EXT1: variants seen among roughly 807,000 people sequenced by gnomAD.
EXT1 encodes the protein exostosin glycosyltransferase 1, also known as exostosin-1.
A neutral mutation model predicts 82.5 loss-of-function variants in EXT1; 20 were observed. The ratio of observed to expected loss-of-function variants is 0.24; its 90% confidence interval spans 0.17 to 0.35. The LOEUF (loss-of-function observed/expected upper bound fraction) is 0.35. Ranked by LOEUF, EXT1 falls within the 10% of genes least tolerant of loss-of-function variation. The pLI is 1.00. For missense variants in EXT1, 757 were observed against 936.5 expected (o/e 0.81, Z 2.50); for synonymous variants, 348 against 350.8 (o/e 0.99, Z 0.09).
At position 118,085,293 on chromosome 8, in the gene EXT1, G is replaced by T. The variant is rs536463484; in HGVS notation, c.962+24792C>A. Among the ~76,000 whole-genome samples, 8 of 152,264 alleles carry T rather than the reference G, an allele frequency of 5.3e-5. No individual in the cohort carries two copies. In the East Asian group the frequency reaches 5.8e-4, roughly 11 times the overall value. On this transcript the variant is annotated intron_variant, in intron 1 of 10. Coordinates refer to ENST00000378204, the MANE Select transcript of EXT1 (RefSeq NM_000127.3). ...GGAGGAAGGGTGAGCAGAAGAAAGAGTAACACCCTCCAGGTTGTGGTACTA... is the reference window on the plus strand; with the variant it reads ...GGAGGAAGGGTGAGCAGAAGAAAGATTAACACCCTCCAGGTTGTGGTACTA...
chr8:118,037,391 T>C (rs1816441589), intron 1 of EXT1, among the ~76,000 whole-genome samples: 1 of 151,850 alleles, frequency 6.6e-6, no homozygotes, highest in Non-Finnish European at 1.5e-5. Context: ...TTTTTTTTTT[T>C]TTTTGAGACA....
chr8:117,887,021 A>G (rs1813157859), intron 1 of EXT1, among the ~76,000 whole-genome samples: 1 of 152,228 alleles, frequency 6.6e-6, no homozygotes, highest in South Asian at 2.1e-4. Flanking sequence ...CATCTATATA[A>G]CAGGAATGAA....
At chr8:118,098,329 T>C (rs190457702) in intron 1 of EXT1, among the ~76,000 whole-genome samples, 2 of 151,936 alleles carry the variant, frequency 1.3e-5, no homozygotes, top group Non-Finnish European at 2.9e-5. Flanking sequence ...CCTGGGCCCC[T>C]CCCTTCTCCA....
At chr8:117,903,062 A>C (rs985160618) in intron 1 of EXT1, among the ~76,000 whole-genome samples, 3 of 152,188 alleles carry the variant, frequency 2.0e-5, no homozygotes, top group Non-Finnish European at 2.9e-5. Context: ...CATTCACTCC[A>C]TCTGTATTTA....
intron 1 of EXT1, among the ~76,000 whole-genome samples, chr8:118,080,391 G>A (rs565758233): frequency 9.9e-5 from 15 of 151,306 alleles, no homozygotes; most frequent in African/African-American, 3.6e-4. Flanking sequence ...ATCAAGTCTG[G>A]AAACTAATAG....
intron 1 of EXT1, among the ~76,000 whole-genome samples, chr8:117,869,086 G>A (rs1021760659): frequency 3.9e-5 from 6 of 152,064 alleles, no homozygotes; most frequent in South Asian, 2.1e-4. Flanking sequence ...TGGACTTCCC[G>A]CCAGCGCCCA....
chr8:118,029,236 A>G (rs538452971), intron 1 of EXT1, among the ~76,000 whole-genome samples: 59 of 152,232 alleles, frequency 3.9e-4, no homozygotes, highest in African/African-American at 1.4e-3. Flanking sequence ...CAAGACCAGC[A>G]TGTGCAACAT....
At chr8:117,801,047 A>T (rs1183699373) in intron 10 of EXT1, among the ~76,000 whole-genome samples, 1 of 152,256 alleles carries the variant, frequency 6.6e-6, no homozygotes, top group Non-Finnish European at 1.5e-5. Flanking sequence ...TTGTACTCAC[A>T]GTTTTAGAAA....
intron 7 of EXT1, among the ~76,000 whole-genome samples, chr8:117,813,797 G>C (rs1465025310): frequency 6.6e-6 from 1 of 152,088 alleles, no homozygotes; most frequent in East Asian, 1.9e-4. Context: ...CTTGAGGCCA[G>C]GAGTTCAAGA....
chr8:117,879,424 A>G (rs1362051372), intron 1 of EXT1, among the ~76,000 whole-genome samples: 1 of 152,030 alleles, frequency 6.6e-6, no homozygotes, highest in Non-Finnish European at 1.5e-5. Flanking sequence ...TTCCCCCTCA[A>G]TCATTCCTTT....
chr8:118,046,346 C>T (rs897674598), intron 1 of EXT1, among the ~76,000 whole-genome samples: 1 of 152,164 alleles, frequency 6.6e-6, no homozygotes, highest in Non-Finnish European at 1.5e-5. Flanking sequence ...TCAGGCAACG[C>T]ACAGAGCACA....
At chr8:117,973,870 G>GGAAAA (rs1216745855) in intron 1 of EXT1, among the ~76,000 whole-genome samples, 4 of 114,320 alleles carry the variant, frequency 3.5e-5, no homozygotes, top group South Asian at 6.0e-4. Flanking sequence ...GGAAAGGAAA[G>GGAAAA]GAAAGGAAAG....
chr8:117,998,767 A>T (rs1815599784), intron 1 of EXT1, among the ~76,000 whole-genome samples: 1 of 152,222 alleles, frequency 6.6e-6, no homozygotes. Context: ...TAACTTGTAA[A>T]ACCCCCAAAT....
chr8:118,071,756 G>A (rs17505938), intron 1 of EXT1, among the ~76,000 whole-genome samples: 3,904 of 152,176 alleles, frequency 0.026, 148 homozygotes, highest in African/African-American at 0.087. Context: ...AGACAGAAAC[G>A]TTCCTTTTCT....
rs1473485144 is a variant in EXT1, at chr8:117,796,986, A to G, written c.*2726T>C. 6.6e-6 allele frequency: 1 copy of G among 152,212 alleles called. No homozygotes were observed. Among genetic ancestry groups the G allele is most frequent in the East Asian group, 1.9e-4 (1 of 5,198 alleles). The allele number at this position is 152,212 out of a possible 1,614,324, so 9.4% of individuals were successfully genotyped here. ...GTCCTCTTTGGAATTTCTGCAAGCA[A>G]TTCATTACGTGGTTGGCACTGTACT... On this transcript the variant is annotated 3_prime_UTR_variant, in exon 11 of 11. Coordinates refer to ENST00000378204, the MANE Select transcript of EXT1 (RefSeq NM_000127.3).
At chr8:117,861,488 C>CTTTTTTTTTTTTTTTT (rs755653091) in intron 1 of EXT1, among the ~76,000 whole-genome samples, 1 of 86,822 alleles carries the variant, frequency 1.2e-5, no homozygotes, top group Non-Finnish European at 2.1e-5. Flanking sequence ...AAGTTTTTAT[C>CTTTTTTTTTTTTTTTT]TTTTTTTTTT....
At chr8:117,987,788 G>T (rs534647952) in intron 1 of EXT1, among the ~76,000 whole-genome samples, 1 of 152,246 alleles carries the variant, frequency 6.6e-6, no homozygotes, top group South Asian at 2.1e-4. Flanking sequence ...GGGGATGTGG[G>T]TTTAAATACT....
chr8:117,939,048 T>A (rs1297578103), intron 1 of EXT1, among the ~76,000 whole-genome samples: 3 of 152,062 alleles, frequency 2.0e-5, no homozygotes, highest in Non-Finnish European at 4.4e-5. Flanking sequence ...CAAGCTGTTT[T>A]TTTTTCCCCC....
At chr8:117,906,806 G>T (rs1813552061) in intron 1 of EXT1, among the ~76,000 whole-genome samples, 1 of 152,174 alleles carries the variant, frequency 6.6e-6, no homozygotes, top group South Asian at 2.1e-4. Flanking sequence ...GAGAATGATG[G>T]TGGCATGAGC....
Sources: gnomAD v4.1 joint callset for allele counts (sites outside exome capture counted in the v4.1 genomes callset) on GRCh38, gnomAD v4.1.1 for gene constraint, MANE v1.5 for transcripts, NCBI Gene and HGNC (gene_info 2026-07-23, HGNC 2026-07-21) for gene names.